SGK1: variants seen among roughly 807,000 people sequenced by gnomAD.
The protein encoded by SGK1 is serine/threonine-protein kinase Sgk1.
A neutral mutation model predicts 64.2 loss-of-function variants in SGK1; 26 were observed. The observed-to-expected ratio is 0.40, with a 90% CI of 0.30 to 0.56. The LOEUF is 0.56. Ranked by LOEUF, SGK1 falls within the 20% of genes least tolerant of loss-of-function variation. SGK1 has a pLI of 0.38. For missense variants in SGK1, 519 were observed against 645.6 expected, an observed-to-expected ratio of 0.80 and a Z score of 2.12; for synonymous variants, 265 against 239.7, an observed-to-expected ratio of 1.11 and a Z score of -0.98.
intron 2 of SGK1, among the ~76,000 whole-genome samples, chr6:134,229,923 G>A (rs1182081052): frequency 2.0e-5 from 3 of 152,004 alleles, no homozygotes; most frequent in Admixed American, 1.3e-4. Context: ...TTCTTTCTAA[G>A]CTTAATCTTT....
intron 3 of SGK1, 79 bp from the exon 4 acceptor site, chr6:134,174,665 G>A (rs760868269): frequency 3.1e-6 from 5 of 1,608,736 alleles, no homozygotes; most frequent in South Asian, 1.1e-5. Flanking sequence ...AATCTGATCC[G>A]GGACTTTCAA....
intron 1 of SGK1, chr6:134,298,214 C>A: frequency 1.3e-6 from 2 of 1,562,298 alleles, no homozygotes; most frequent in Non-Finnish European, 1.8e-6. Flanking sequence ...AGCTCTGCCT[C>A]CAGCTTCAGC....
chr6:134,225,012 AAAAAAAAAAAAG>A (rs1259750943), intron 2 of SGK1, among the ~76,000 whole-genome samples: 6 of 148,824 alleles, frequency 4.0e-5, no homozygotes, highest in Admixed American at 2.7e-4. Flanking sequence ...CCATCTCAAA[AAAAAAAAAAAAG>A]AAAAAAGAAA....
At chr6:134,206,308 T>A (rs1775767314) in intron 3 of SGK1, among the ~76,000 whole-genome samples, 1 of 137,700 alleles carries the variant, frequency 7.3e-6, no homozygotes, top group Admixed American at 7.9e-5. Flanking sequence ...CACTTAAATA[T>A]GCTTCACAAT....
In SGK1 at chr6:134,204,997, TTCTC is replaced by T. The variant is rs1353579434; in HGVS notation, c.361+2355_361+2358del. Among the ~76,000 whole-genome samples the T allele has an allele frequency of 5.9e-5, 9 of 152,068 alleles. No homozygotes were observed. The East Asian group carries it at 1.7e-3, about 29-fold the overall frequency. ...TTTCTTTCTTTCTTTCTTTCTCTGT[TTCTC>T]TCTTTCTCTCTTTCAGTGAAAGCAA... On this transcript the variant is annotated intron_variant, in intron 3 of 13. Transcript: ENST00000367858.
chr6:134,233,297 G>T (rs1404819825), intron 2 of SGK1, among the ~76,000 whole-genome samples: 13 of 152,162 alleles, frequency 8.5e-5, no homozygotes, highest in Admixed American at 8.5e-4. Context: ...TTCTGGTAGA[G>T]TTTCTCTGGA....
chr6:134,265,620 A>T (rs1181884700), intron 1 of SGK1, among the ~76,000 whole-genome samples: 1 of 126,746 alleles, frequency 7.9e-6, no homozygotes, highest in Admixed American at 8.4e-5. Context: ...ATATATATAC[A>T]TATATATATA....
At chr6:134,280,330 C>T (rs142059639) in intron 1 of SGK1, among the ~76,000 whole-genome samples, 31 of 152,152 alleles carry the variant, frequency 2.0e-4, no homozygotes, top group African/African-American at 7.0e-4. Flanking sequence ...ATCTTACTCA[C>T]GGCTGTCTTG....
At chr6:134,251,703 C>T (rs1776608337) in intron 2 of SGK1, among the ~76,000 whole-genome samples, 1 of 152,160 alleles carries the variant, frequency 6.6e-6, no homozygotes, top group Non-Finnish European at 1.5e-5. Context: ...GCTTTACCCA[C>T]AAGTCCTGAC....
At chr6:134,257,830 A>G (rs1776707505) in intron 2 of SGK1, among the ~76,000 whole-genome samples, 1 of 152,188 alleles carries the variant, frequency 6.6e-6, no homozygotes, top group African/African-American at 2.4e-5. Context: ...AACTACTACA[A>G]AACTACTGGA....
At chr6:134,261,688 A>G (rs1201860038) in intron 2 of SGK1, 2 of 604,584 alleles carry the variant, frequency 3.3e-6, no homozygotes, top group African/African-American at 3.7e-5. Context: ...GGACAAGCGT[A>G]TATGGGTAAT....
intron 2 of SGK1, among the ~76,000 whole-genome samples, chr6:134,243,039 AAAAC>A (rs1349720436): frequency 6.6e-5 from 10 of 151,884 alleles, no homozygotes; most frequent in Non-Finnish European, 1.5e-4. Flanking sequence ...TAATGGTTAA[AAAAC>A]AAACAAAACA....
chr6:134,181,059 C>A (rs754369715), intron 3 of SGK1, among the ~76,000 whole-genome samples: 4 of 152,182 alleles, frequency 2.6e-5, no homozygotes, highest in Non-Finnish European at 5.9e-5. Context: ...CTGGCCTGGT[C>A]GGCCTCCTCT....
At chr6:134,272,782 G>A (rs1270206981) in intron 1 of SGK1, among the ~76,000 whole-genome samples, 1 of 148,074 alleles carries the variant, frequency 6.8e-6, no homozygotes, top group East Asian at 2.4e-4. Context: ...GGACTAAAGC[G>A]AAGAACATAA....
At chr6:134,199,356 C>G (rs761377950) in intron 3 of SGK1, among the ~76,000 whole-genome samples, 5 of 152,022 alleles carry the variant, frequency 3.3e-5, no homozygotes, top group Non-Finnish European at 7.4e-5. Context: ...CTCAGGAGTT[C>G]TAGGCCAGTC....
At chr6:134,277,563 G>A (rs1475395264) in intron 1 of SGK1, among the ~76,000 whole-genome samples, 1 of 152,006 alleles carries the variant, frequency 6.6e-6, no homozygotes, top group East Asian at 1.9e-4. Flanking sequence ...TTGGGCAATG[G>A]GAGGAGGTAT....
rs1004501138 is a variant in SGK1 at position 134,175,986 on chromosome 6, A to C, written c.362-1400T>G. ...TCTCTGCACTAAAGGAAGAAGTACA[A>C]TCTGCATTTCACTTTTTTTTTTCTG... is the stretch of plus-strand genomic sequence containing the variant. On this transcript the variant is annotated intron_variant, in intron 3 of 13. Coordinates refer to ENST00000367858, the MANE Select transcript of SGK1 (RefSeq NM_001143676.3). 4.6e-6 allele frequency: 5 copies of C among 1,093,308 alleles called. No homozygotes were observed. In the African/African-American group the frequency reaches 6.6e-5, roughly 14 times the overall value. 67.7% of individuals were successfully genotyped at this position (1,093,308 alleles called of 1,614,324 possible).
intron 2 of SGK1, among the ~76,000 whole-genome samples, chr6:134,253,293 C>CAT (rs573680085): frequency 6.9e-6 from 1 of 144,454 alleles, no homozygotes; most frequent in African/African-American, 2.5e-5. Context: ...TTTTGTTTTT[C>CAT]TTTTTTTTTT....
At chr6:134,280,714 C>T (rs2114769480) in intron 1 of SGK1, among the ~76,000 whole-genome samples, 1 of 152,280 alleles carries the variant, frequency 6.6e-6, no homozygotes, top group South Asian at 2.1e-4. Flanking sequence ...CACTGTTCAA[C>T]ACATATTTGT....
Sources: gnomAD v4.1 joint callset for allele counts (sites outside exome capture counted in the v4.1 genomes callset) on GRCh38, gnomAD v4.1.1 for gene constraint, MANE v1.5 for transcripts, NCBI Gene and HGNC (gene_info 2026-07-23, HGNC 2026-07-21) for gene names.